Variants in GALNT13 observed in about 807,000 individuals in gnomAD.
GALNT13 encodes the protein polypeptide N-acetylgalactosaminyltransferase 13, also known as UDP-GalNAc:polypeptide N-acetylgalactosaminyltransferase 13.
GALNT13 carries 28 observed loss-of-function variants against 64.2 expected under a neutral mutation model. That is an observed-to-expected ratio of 0.44 (90% CI 0.32 to 0.60). The LOEUF is 0.60. Ranked by LOEUF, GALNT13 falls within the 20% of genes least tolerant of loss-of-function variation. The probability of loss-of-function intolerance (pLI) is 0.05; values close to 1 mark genes in which losing one functional copy is unlikely to be tolerated. For missense variants in GALNT13, 577 were observed against 669.8 expected (o/e 0.86, Z 1.53); for synonymous variants, 214 against 224.6 (o/e 0.95, Z 0.42).
intron 3 of GALNT13, among the ~76,000 whole-genome samples, chr2:154,018,560 G>A (rs1260058365): frequency 6.6e-6 from 1 of 152,024 alleles, no homozygotes; most frequent in Non-Finnish European, 1.5e-5. Context: ...AAGAGGATGG[G>A]GGATAGGGAG....
chr2:154,425,719 A>G (rs1367050896), intron 11 of GALNT13, among the ~76,000 whole-genome samples: 1 of 152,230 alleles, frequency 6.6e-6, no homozygotes, highest in Admixed American at 6.5e-5. Context: ...AAATTCTTAC[A>G]GAAATGATAA....
the GALNT13 span, among the ~76,000 whole-genome samples, chr2:153,659,527 C>A: frequency 2.0e-5 from 3 of 152,048 alleles, no homozygotes; most frequent in Admixed American, 2.0e-4. Context: ...AGTTGATGGG[C>A]AAAACACATA....
chr2:154,225,700 T>C (rs143808240), intron 4 of GALNT13, among the ~76,000 whole-genome samples: 190 of 152,228 alleles, frequency 1.2e-3, no homozygotes, highest in Non-Finnish European at 2.2e-3. Context: ...TTTTACGTGA[T>C]ATGGAAGCCT....
At chr2:153,657,392 A>G in the GALNT13 span, among the ~76,000 whole-genome samples, 1 of 152,148 alleles carries the variant, frequency 6.6e-6, no homozygotes, top group African/African-American at 2.4e-5. Flanking sequence ...GGTAGAAATA[A>G]TAACCTTTGC....
chr2:153,892,007 G>A (rs974962609), intron 1 of GALNT13, among the ~76,000 whole-genome samples: 1 of 151,944 alleles, frequency 6.6e-6, no homozygotes, highest in African/African-American at 2.4e-5. Context: ...CAGCTCACAC[G>A]AGCAAAACCT....
chr2:153,435,488 A>G, the GALNT13 span, among the ~76,000 whole-genome samples: 2 of 151,632 alleles, frequency 1.3e-5, no homozygotes, highest in Non-Finnish European at 2.9e-5. Flanking sequence ...ATTTGTTTGT[A>G]TCCTCTTTTA....
At position 154,014,464 on chromosome 2, in the gene GALNT13, CT is replaced by C. The variant is rs199679412; in HGVS notation, c.142+69827del. Among the ~76,000 whole-genome samples, 765 of 151,856 alleles carry C rather than the reference CT, an allele frequency of 5.0e-3. 5 individuals are homozygous for C. The highest frequency in any genetic ancestry group is 0.016 in the African/African-American group (675 of 41,422). ...GATTCCTCCCGCTTCAGTCCAGTAT[CT>C]TCATCCTCCTTCCGTCCACTCTCAG... On this transcript the variant is annotated intron_variant, in intron 3 of 12. Coordinates refer to ENST00000392825, the MANE Select transcript of GALNT13 (RefSeq NM_052917.4).
At chr2:153,072,228 G>A in the GALNT13 span, among the ~76,000 whole-genome samples, 33 of 152,296 alleles carry the variant, frequency 2.2e-4, no homozygotes, top group South Asian at 4.1e-4. Flanking sequence ...GCGTGGCTTT[G>A]TGTAAGGGCC....
chr2:153,634,439 G>T, the GALNT13 span, among the ~76,000 whole-genome samples: 1 of 150,232 alleles, frequency 6.7e-6, no homozygotes, highest in African/African-American at 2.4e-5. Flanking sequence ...GAGAGGTAAA[G>T]ACATGAAATC....
chr2:154,072,773 A>T (rs1017267944), intron 3 of GALNT13, among the ~76,000 whole-genome samples: 16 of 152,048 alleles, frequency 1.1e-4, no homozygotes, highest in Non-Finnish European at 2.4e-4. Context: ...GTGATCTGCT[A>T]CCAAGTTTGC....
At chr2:153,653,385 C>T in the GALNT13 span, among the ~76,000 whole-genome samples, 19 of 152,232 alleles carry the variant, frequency 1.2e-4, no homozygotes, top group East Asian at 3.5e-3. Context: ...ATTCATCAGG[C>T]ATGGGCTTCC....
At chr2:153,561,682 C>T in the GALNT13 span, among the ~76,000 whole-genome samples, 331 of 133,418 alleles carry the variant, frequency 2.5e-3, 3 homozygotes, top group African/African-American at 9.8e-3. Flanking sequence ...GTGTATTAAT[C>T]ACCACTTAGG....
At chr2:153,225,438 G>T in the GALNT13 span, among the ~76,000 whole-genome samples, 1 of 152,158 alleles carries the variant, frequency 6.6e-6, no homozygotes, top group African/African-American at 2.4e-5. Flanking sequence ...ACAAGGCAAG[G>T]TTGTCCTCCT....
chr2:154,453,598 T>C lies in GALNT13; in HGVS notation c.*3047T>C, dbSNP rs1439669859. 1.3e-5 allele frequency: 2 copies of C among 152,142 alleles called. No individual in the cohort carries two copies. Among genetic ancestry groups the C allele is most frequent in the South Asian group, 2.1e-4 (1 of 4,828 alleles). The allele number at this position is 152,142 out of a possible 1,614,324, so 9.4% of individuals were successfully genotyped here. On this transcript the variant is annotated 3_prime_UTR_variant, in exon 13 of 13. Transcript: ENST00000392825. The stretch of plus-strand genomic sequence containing the variant: ...GACAATCTATGAGTTTGCTTCTTTA[T>C]TTCTGTCTATACTTCCCCCTCCCCA...
chr2:153,096,581 A>G, the GALNT13 span, among the ~76,000 whole-genome samples: 3 of 151,888 alleles, frequency 2.0e-5, no homozygotes, highest in Non-Finnish European at 4.4e-5. Context: ...TGTTATATCC[A>G]CTTGTTGAAT....
chr2:154,454,740 A>G (rs983176103), downstream of GALNT13: 3 of 152,222 alleles, frequency 2.0e-5, no homozygotes, highest in Non-Finnish European at 4.4e-5. Flanking sequence ...TTAAAATAAT[A>G]CAAGCACTAA....
chr2:154,147,333 G>A (rs1433845027), intron 4 of GALNT13, among the ~76,000 whole-genome samples: 1 of 148,244 alleles, frequency 6.7e-6, no homozygotes, highest in African/African-American at 2.5e-5. Flanking sequence ...GTATTTGAAT[G>A]GAATATATAT....
intron 2 of GALNT13, among the ~76,000 whole-genome samples, chr2:153,914,731 C>T (rs947215479): frequency 2.0e-5 from 3 of 152,202 alleles, no homozygotes; most frequent in African/African-American, 4.8e-5. Flanking sequence ...CCCCAACCCC[C>T]GACAGGCTTC....
intron 11 of GALNT13, among the ~76,000 whole-genome samples, chr2:154,415,468 A>G (rs1699970701): frequency 6.6e-6 from 1 of 152,140 alleles, no homozygotes; most frequent in African/African-American, 2.4e-5. Flanking sequence ...AACATTCCAT[A>G]TAATTTATTG....
Sources: gnomAD v4.1 joint callset for allele counts (sites outside exome capture counted in the v4.1 genomes callset) on GRCh38, gnomAD v4.1.1 for gene constraint, MANE v1.5 for transcripts, NCBI Gene and HGNC (gene_info 2026-07-23, HGNC 2026-07-21) for gene names.